The following EDIL3 variants were observed in gnomAD, a reference collection of about 807,000 sequenced individuals.
The protein encoded by EDIL3 is EGF like and discoidin domains 3.
Under a neutral mutation model 67.4 loss-of-function variants are expected in EDIL3, and 37 were observed. That is an observed-to-expected ratio of 0.55 (90% CI 0.42 to 0.72). The LOEUF is 0.72. EDIL3 is among the 30% of genes least tolerant of loss of function. EDIL3 has a pLI of 0.00. For synonymous variants in EDIL3, 195 were observed against 196.3 expected (o/e 0.99, Z 0.05); for missense variants, 527 against 586.3 (o/e 0.90, Z 1.04).
At chr5:84,070,237 G>A (rs907478684) in intron 6 of EDIL3, among the ~76,000 whole-genome samples, 1 of 152,194 alleles carries the variant, frequency 6.6e-6, no homozygotes, top group East Asian at 1.9e-4. Context: ...CCCCGGGATA[G>A]AGAAAGCCCT....
At chr5:84,331,224 T>A (rs1202739054) in intron 1 of EDIL3, among the ~76,000 whole-genome samples, 1 of 152,192 alleles carries the variant, frequency 6.6e-6, no homozygotes, top group African/African-American at 2.4e-5. Context: ...TTTGAGTTAA[T>A]GATGGAATAA....
At chr5:83,974,030 T>C (rs1041563990) in intron 9 of EDIL3, among the ~76,000 whole-genome samples, 13 of 151,998 alleles carry the variant, frequency 8.6e-5, no homozygotes, top group Admixed American at 2.6e-4. Context: ...CATTTTATGT[T>C]GATATAAAAT....
chr5:84,285,606 A>G (rs1359123518), intron 1 of EDIL3, among the ~76,000 whole-genome samples: 1 of 152,250 alleles, frequency 6.6e-6, no homozygotes, highest in African/African-American at 2.4e-5. Context: ...AGTGAGACAA[A>G]ATATATTCAT....
At position 84,088,370 on chromosome 5, in the gene EDIL3, T is replaced by G. The variant is rs141681092; in HGVS notation, c.651+18279A>C. On this transcript the variant is annotated intron_variant, in intron 6 of 10. Transcript: ENST00000296591. The stretch of plus-strand genomic sequence containing the variant: ...ACATTGGCAATTCTATTTAAATGTC[T>G]GGGTTTTTTGTTTGTTGTTTGTTTT... Among the ~76,000 whole-genome samples, 532 of 152,336 alleles carry G rather than the reference T, an allele frequency of 3.5e-3. 3 individuals carry two copies. The highest frequency in any genetic ancestry group is 0.012 in the African/African-American group (508 of 41,586).
At chr5:84,252,408 G>A (rs1745039925) in intron 2 of EDIL3, among the ~76,000 whole-genome samples, 1 of 147,876 alleles carries the variant, frequency 6.8e-6, no homozygotes, top group African/African-American at 2.5e-5. Flanking sequence ...GCAGGAGAAC[G>A]GTGTGAACCC....
At chr5:84,033,363 C>T (rs796583590) in intron 9 of EDIL3, among the ~76,000 whole-genome samples, 9 of 152,072 alleles carry the variant, frequency 5.9e-5, no homozygotes, top group African/African-American at 1.7e-4. Context: ...TTTTTTCTAA[C>T]GTAACTTCAA....
At chr5:84,238,906 G>C (rs1206029415) in intron 2 of EDIL3, among the ~76,000 whole-genome samples, 1 of 151,896 alleles carries the variant, frequency 6.6e-6, no homozygotes, top group African/African-American at 2.4e-5. Context: ...TTCAGGGTGG[G>C]CCCACACCAC....
chr5:84,297,016 A>C (rs2112125404), intron 1 of EDIL3, among the ~76,000 whole-genome samples: 1 of 152,140 alleles, frequency 6.6e-6, no homozygotes, highest in African/African-American at 2.4e-5. Context: ...CCCCGTCTCC[A>C]CTAAATATAC....
At chr5:83,963,058 A>T (rs1744631201) in intron 10 of EDIL3, 147 bp downstream of exon 10, 2 of 1,098,356 alleles carry the variant, frequency 1.8e-6, no homozygotes, top group Non-Finnish European at 2.4e-6. Context: ...TTACAGTACT[A>T]TTCTTTAAAG....
At chr5:84,145,005 C>T (rs1748268175) in intron 4 of EDIL3, among the ~76,000 whole-genome samples, 1 of 152,068 alleles carries the variant, frequency 6.6e-6, no homozygotes, top group African/African-American at 2.4e-5. Flanking sequence ...CATTAGAATT[C>T]TGAGAAGCAC....
Position 84,137,206 on chromosome 5 carries a change from CACACACACACACAT to C in EDIL3, c.469+21_469+34del, listed in dbSNP as rs1383224627. ...ACATACACACACACACACACACACACACACACACACACATACACACACGTGAATACTTACTGTAT... is the reference window on the plus strand; with the variant it reads ...ACATACACACACACACACACACACACACACACACGTGAATACTTACTGTAT... On this transcript the variant is annotated intron_variant, in intron 5 of 10. Coordinates refer to ENST00000296591, the MANE Select transcript of EDIL3 (RefSeq NM_005711.5). 4 of 1,482,256 alleles carry C rather than the reference CACACACACACACAT, an allele frequency of 2.7e-6. No homozygotes were observed. In the African/African-American group the frequency reaches 5.6e-5, roughly 21 times the overall value. 91.8% of individuals were successfully genotyped at this position (1,482,256 alleles called of 1,614,324 possible).
chr5:84,104,167 G>A (rs1351908229), intron 6 of EDIL3, among the ~76,000 whole-genome samples: 1 of 151,930 alleles, frequency 6.6e-6, no homozygotes, highest in African/African-American at 2.4e-5. Context: ...CTTACAGTGG[G>A]TGCTAAATGA....
chr5:84,198,016 T>C (rs956597647), intron 3 of EDIL3, among the ~76,000 whole-genome samples: 2 of 151,982 alleles, frequency 1.3e-5, no homozygotes, highest in Non-Finnish European at 2.9e-5. Context: ...GGTAGTGTAA[T>C]AGGAAATGAG....
At chr5:84,200,925 T>C (rs1356571094) in intron 3 of EDIL3, among the ~76,000 whole-genome samples, 2 of 152,060 alleles carry the variant, frequency 1.3e-5, no homozygotes, top group Non-Finnish European at 2.9e-5. Context: ...AAATTATTTA[T>C]CAAGTAATTC....
In EDIL3 at chr5:83,975,382, A is replaced by T. The variant is rs1295617887; in HGVS notation, c.1138-12022T>A. Among the ~76,000 whole-genome samples, 4 of 152,130 alleles carry T rather than the reference A, an allele frequency of 2.6e-5. No homozygotes were observed. The East Asian group carries it at 7.7e-4, about 29-fold the overall frequency. On this transcript the variant is annotated intron_variant, in intron 9 of 10. Coordinates refer to ENST00000296591, the MANE Select transcript of EDIL3 (RefSeq NM_005711.5). ...AAAATAGCTCATAAACCACAATCTT[A>T]AATTAGGTATAGAATTAATAAATCA...
intron 4 of EDIL3, among the ~76,000 whole-genome samples, chr5:84,148,894 C>T (rs1401040292): frequency 6.6e-6 from 1 of 150,882 alleles, no homozygotes; most frequent in Non-Finnish European, 1.5e-5. Flanking sequence ...CATGAGAACT[C>T]TGCTTCTGGC....
At chr5:84,252,874 T>C (rs1745049999) in intron 2 of EDIL3, among the ~76,000 whole-genome samples, 1 of 152,102 alleles carries the variant, frequency 6.6e-6, no homozygotes, top group Non-Finnish European at 1.5e-5. Context: ...AGTGAGTTAA[T>C]AAAAGCATTA....
chr5:84,326,129 C>T (rs1245398261), intron 1 of EDIL3, among the ~76,000 whole-genome samples: 1 of 151,936 alleles, frequency 6.6e-6, no homozygotes, highest in East Asian at 1.9e-4. Flanking sequence ...CCAGTTTGGC[C>T]CTCTCTTGAT....
chr5:84,127,114 T>A (rs1747881955), intron 5 of EDIL3, among the ~76,000 whole-genome samples: 1 of 152,096 alleles, frequency 6.6e-6, no homozygotes, highest in Non-Finnish European at 1.5e-5. Flanking sequence ...GTTTCAATTT[T>A]TCGGGATTTC....
Sources: gnomAD v4.1 joint callset for allele counts (sites outside exome capture counted in the v4.1 genomes callset) on GRCh38, gnomAD v4.1.1 for gene constraint, MANE v1.5 for transcripts, NCBI Gene and HGNC (gene_info 2026-07-23, HGNC 2026-07-21) for gene names.